The following DLGAP1 variants were observed in gnomAD, a reference collection of about 807,000 sequenced individuals.
The protein encoded by DLGAP1 is disks large-associated protein 1.
Under a neutral mutation model 90.8 loss-of-function variants are expected in DLGAP1, and 11 were observed. That is an observed-to-expected ratio of 0.12 (90% CI 0.08 to 0.20). The LOEUF (loss-of-function observed/expected upper bound fraction) is 0.20, where lower values mean the gene tolerates loss of function less well. Among genes scored for constraint, DLGAP1 ranks in the 10% least tolerant of loss-of-function variants. DLGAP1 has a pLI of 1.00. For missense variants in DLGAP1, 1,050 were observed against 1,333.8 expected, an observed-to-expected ratio of 0.79 and a Z score of 3.31; for synonymous variants, 558 against 540.7, an observed-to-expected ratio of 1.03 and a Z score of -0.44.
chr18:3,620,495 A>G (rs930162542), intron 7 of DLGAP1, among the ~76,000 whole-genome samples: 2 of 152,116 alleles, frequency 1.3e-5, no homozygotes, highest in African/African-American at 4.8e-5. Context: ...GCAATAGGAA[A>G]GCATACAGGC....
intron 6 of DLGAP1, among the ~76,000 whole-genome samples, chr18:3,736,430 C>G (rs2062641265): frequency 6.6e-6 from 1 of 152,036 alleles, no homozygotes; most frequent in African/African-American, 2.4e-5. Flanking sequence ...ATGACAGAAG[C>G]AATTTAGTTT....
At position 3,499,279 on chromosome 18, in the gene DLGAP1, G is replaced by A; in HGVS notation, c.2840C>T (p.Ala947Val). 6.3e-7 allele frequency: 1 copy of A among 1,596,724 alleles called. No homozygotes were observed. Residue 947 changes from alanine to valine, a missense_variant, in exon 13 of 13, where the codon GCC becomes GTC. This residue lies in a region of DLGAP1 where 565 missense variants were observed against 879.7 expected (regional missense o/e 0.64). Coordinates refer to ENST00000315677, the MANE Select transcript of DLGAP1 (RefSeq NM_004746.4). The surrounding 1 kb of genome is among the most constrained non-coding windows in gnomAD (Gnocchi z 6.4). ...QRQEARKRLM[A>V]AKRAASVRQN... is the part of the protein sequence containing the mutation. ...GCGGACGGACGCGGCGCGCTTGGCG[G>A]CCATCAGGCGCTTGCGGGCCTCCTG...
At chr18:4,119,185 G>A (rs971271757) in intron 2 of DLGAP1, among the ~76,000 whole-genome samples, 3 of 152,030 alleles carry the variant, frequency 2.0e-5, no homozygotes, top group African/African-American at 4.8e-5. Flanking sequence ...TCGAACTTCT[G>A]GGCTCAAGTG....
chr18:3,879,047 G>A lies in DLGAP1; in HGVS notation c.957+65C>T. The A allele has an allele frequency of 7.5e-7, 1 of 1,334,806 alleles. No individual in the cohort carries two copies. The highest frequency in any genetic ancestry group is 1.0e-6 in the Non-Finnish European group (1 of 1,003,252). 82.7% of individuals were successfully genotyped at this position (1,334,806 alleles called of 1,614,324 possible). A position where few individuals can be genotyped will look rare whatever the true frequency, so the allele number is the denominator to read the frequency against. ...AGAGTAGTGCCAAGACTAGAACCAGGAGAAATGCCCACACAAGCATGCCAG... is the reference window on the plus strand; with the variant it reads ...AGAGTAGTGCCAAGACTAGAACCAGAAGAAATGCCCACACAAGCATGCCAG... On this transcript the variant is annotated intron_variant, in intron 4 of 12. Transcript: ENST00000315677. The surrounding 1 kb of genome is among the most constrained non-coding windows in gnomAD (Gnocchi z 6.6).
At chr18:4,387,144 G>A (rs2082245774) in intron 1 of DLGAP1, among the ~76,000 whole-genome samples, 2 of 152,262 alleles carry the variant, frequency 1.3e-5, no homozygotes, top group Non-Finnish European at 2.9e-5. Context: ...GGATGAAAAG[G>A]ATAAGATGAA....
chr18:4,069,530 G>C (rs78526960), intron 2 of DLGAP1, among the ~76,000 whole-genome samples: 1 of 152,004 alleles, frequency 6.6e-6, no homozygotes, highest in African/African-American at 2.4e-5. Context: ...TATTGTCCTC[G>C]AGACAGTGGA....
chr18:4,269,418 A>G (rs2079211780), intron 1 of DLGAP1, among the ~76,000 whole-genome samples: 2 of 146,968 alleles, frequency 1.4e-5, no homozygotes, highest in South Asian at 4.3e-4. Context: ...CAGTGGCGCG[A>G]TCTCAGCTCA....
intron 1 of DLGAP1, among the ~76,000 whole-genome samples, chr18:4,261,206 C>T (rs2078995877): frequency 6.6e-6 from 1 of 152,100 alleles, no homozygotes; most frequent in African/African-American, 2.4e-5. Flanking sequence ...AGCTGCTGTG[C>T]CTGAAAAGAA....
At chr18:3,569,209 T>C (rs1199866632) in intron 8 of DLGAP1, among the ~76,000 whole-genome samples, 2 of 147,424 alleles carry the variant, frequency 1.4e-5, no homozygotes, top group East Asian at 2.1e-4. Context: ...ACCATGTTGG[T>C]CAGGCTGGTC....
chr18:3,894,394 G>A (rs2071560814), intron 3 of DLGAP1, among the ~76,000 whole-genome samples: 1 of 152,202 alleles, frequency 6.6e-6, no homozygotes, highest in Non-Finnish European at 1.5e-5. Context: ...TTTGTATACA[G>A]TGAGAAATAG....
At chr18:3,936,204 A>G (rs1240443744) in intron 3 of DLGAP1, among the ~76,000 whole-genome samples, 2 of 152,176 alleles carry the variant, frequency 1.3e-5, no homozygotes, top group Non-Finnish European at 2.9e-5. Context: ...CTAAGACACA[A>G]TCTCATACTG....
At chr18:3,912,766 A>G (rs73940291) in intron 3 of DLGAP1, among the ~76,000 whole-genome samples, 4,313 of 152,108 alleles carry the variant, frequency 0.028, 197 homozygotes, top group African/African-American at 0.095. Context: ...GGGTAGGTGA[A>G]TTTGACCAAG....
chr18:4,435,543 C>T (rs1385579990), intron 1 of DLGAP1, among the ~76,000 whole-genome samples: 1 of 152,116 alleles, frequency 6.6e-6, no homozygotes, highest in African/African-American at 2.4e-5. Context: ...ACAAAGGAGG[C>T]AGCAGCATTC....
Position 3,740,290 on chromosome 18 carries a change from T to C in DLGAP1, c.1350+2045A>G, listed in dbSNP as rs549527755. On this transcript the variant is annotated intron_variant, in intron 6 of 12. Transcript: ENST00000315677. Reference sequence around the variant, plus strand: ...GTTATATTACCTATTGTGAAAAAGATAAAAACAAAACAAGTCCAAAATGCA... The same window carrying C: ...GTTATATTACCTATTGTGAAAAAGACAAAAACAAAACAAGTCCAAAATGCA... 2.6e-5 allele frequency among the ~76,000 whole-genome samples: 4 copies of C among 152,230 alleles called. No individual in the cohort carries two copies. In the South Asian group the frequency reaches 8.3e-4, roughly 32 times the overall value.
intron 2 of DLGAP1, among the ~76,000 whole-genome samples, chr18:4,068,457 C>G (rs2075401681): frequency 1.3e-5 from 2 of 151,618 alleles, no homozygotes; most frequent in Admixed American, 6.6e-5. Context: ...CATTTGGAAA[C>G]CATAACTTTA....
In DLGAP1 at chr18:3,651,171, C is replaced by A. The variant is rs528976421; in HGVS notation, c.1592-68923G>T. Among the ~76,000 whole-genome samples, 8 of 151,644 alleles carry A rather than the reference C, an allele frequency of 5.3e-5. No homozygotes were observed. The East Asian group carries it at 1.6e-3, about 30-fold the overall frequency. ...GTCAGGAGATCGAGACCATCCTGGC[C>A]AACATGGTGAAACCCCCTCTCTACT... On this transcript the variant is annotated intron_variant, in intron 7 of 12. Coordinates refer to ENST00000315677, the MANE Select transcript of DLGAP1 (RefSeq NM_004746.4).
At chr18:4,443,108 T>C (rs986364634) in intron 1 of DLGAP1, among the ~76,000 whole-genome samples, 1 of 152,246 alleles carries the variant, frequency 6.6e-6, no homozygotes, top group East Asian at 1.9e-4. Flanking sequence ...TTTCTGTCTA[T>C]AACTCCTAAC....
In DLGAP1 at chr18:3,526,033, C is replaced by T. The variant is rs2051596305; in HGVS notation, c.2479+8161G>A. On this transcript the variant is annotated intron_variant, in intron 10 of 12. Transcript: ENST00000315677. This position sits in a 1 kb window ranked among gnomAD's most constrained non-coding sequence, Gnocchi z 4.7. ...CATATGGCACATTACAGCCGATTTC[C>T]TTTTCATTACTGCCACTTCCTCTGC... Among the ~76,000 whole-genome samples, 1 of 152,216 alleles carries T rather than the reference C, an allele frequency of 6.6e-6. No homozygotes were observed. The highest frequency in any genetic ancestry group is 2.1e-4 in the South Asian group (1 of 4,832).
chr18:4,068,043 ATTACAC>A (rs2075394921), intron 2 of DLGAP1, among the ~76,000 whole-genome samples: 1 of 152,032 alleles, frequency 6.6e-6, no homozygotes, highest in African/African-American at 2.4e-5. Flanking sequence ...CATAATATGT[ATTACAC>A]TTATATATAT....
Sources: allele counts gnomAD v4.1 joint callset (sites outside exome capture counted in the v4.1 genomes callset), GRCh38; gene constraint gnomAD v4.1.1; regional missense constraint gnomAD v4.1.1; non-coding constraint Gnocchi (gnomAD v3.1); transcripts MANE v1.5; gene names NCBI Gene and HGNC (gene_info 2026-07-23, HGNC 2026-07-21).